Variants in RPTOR observed in about 807,000 individuals in gnomAD.
The protein encoded by RPTOR is regulatory associated protein of MTOR complex 1.
In RPTOR, 21 loss-of-function variants were observed where a neutral mutation model predicts 169.9. That is an observed-to-expected ratio of 0.12 (90% confidence interval 0.09 to 0.18). The LOEUF is 0.18. Ranked by LOEUF, RPTOR falls within the 10% of genes least tolerant of loss-of-function variation. The probability of loss-of-function intolerance (pLI) is 1.00; values close to 1 mark genes in which losing one functional copy is unlikely to be tolerated. For missense variants in RPTOR, 1,133 were observed against 1,855.9 expected (o/e 0.61, Z 7.16); for synonymous variants, 732 against 753.2 (o/e 0.97, Z 0.46).
intron 10 of RPTOR, among the ~76,000 whole-genome samples, chr17:80,841,864 G>C (rs67719285): frequency 0.38 from 14,022 of 36,936 alleles, 2,809 homozygotes; most frequent in African/African-American, 0.61. Context: ...CACGGCAGCT[G>C]ACTCACCGCA....
At chr17:80,685,627 A>ATAT (rs1269766086) in intron 3 of RPTOR, among the ~76,000 whole-genome samples, 3 of 30,682 alleles carry the variant, frequency 9.8e-5, no homozygotes, top group African/African-American at 5.1e-4. Flanking sequence ...ATATATATAT[A>ATAT]TTTTTTTTTT....
intron 6 of RPTOR, among the ~76,000 whole-genome samples, chr17:80,789,413 G>A (rs994424476): frequency 6.6e-6 from 1 of 152,178 alleles, no homozygotes; most frequent in Non-Finnish European, 1.5e-5. Flanking sequence ...ATGTGATCAA[G>A]CCCTGTAGTT....
Position 80,646,877 on chromosome 17 carries a change from G to A in RPTOR, c.348+3067G>A, listed in dbSNP as rs1364334929. Among the ~76,000 whole-genome samples the A allele has an allele frequency of 1.3e-5, 2 of 152,216 alleles. No homozygotes were observed. Among genetic ancestry groups the A allele is most frequent in the Non-Finnish European group, 2.9e-5 (2 of 68,038 alleles). On this transcript the variant is annotated intron_variant, in intron 3 of 33. Transcript: ENST00000306801. The surrounding 1 kb of genome is among the most constrained non-coding windows in gnomAD (Gnocchi z 5.0). ...CTCCACGCTGGCATGGATGGGAGCA[G>A]AGTAGGAAATGCCTGTTTTCTCAAC...
chr17:80,894,465 G>T lies in RPTOR; in HGVS notation c.2401+600G>T, dbSNP rs77507856. 2.9e-3 allele frequency among the ~76,000 whole-genome samples: 437 copies of T among 152,336 alleles called. 3 individuals are homozygous for T. The highest frequency in any genetic ancestry group is 0.021 in the Admixed American group (318 of 15,310). On this transcript the variant is annotated intron_variant, in intron 20 of 33. Coordinates refer to ENST00000306801, the MANE Select transcript of RPTOR (RefSeq NM_020761.3). Reference sequence around the variant, plus strand: ...GCTTGACGCAGCACTGCCTGGAAATGGAAATCTGACGGAAGGGTCAGATTC... The same window carrying T: ...GCTTGACGCAGCACTGCCTGGAAATTGAAATCTGACGGAAGGGTCAGATTC...
chr17:80,865,512 A>C (rs1229646105), intron 13 of RPTOR, among the ~76,000 whole-genome samples: 1 of 152,138 alleles, frequency 6.6e-6, no homozygotes, highest in African/African-American at 2.4e-5. Context: ...TTAATATCAG[A>C]CAGAGGAGGT....
intron 33 of RPTOR, 37 bp from the exon 34 acceptor site, chr17:80,964,225 A>ACCTGAACCCCTGCTCACC (rs754731457): frequency 4.7e-5 from 52 of 1,110,236 alleles, no homozygotes; most frequent in Non-Finnish European, 6.6e-5. Context: ...GTCTGCCCGC[A>ACCTGAACCCCTGCTCACC]CCTGAACCCC....
chr17:80,768,307 G>A (rs945826547), intron 6 of RPTOR, among the ~76,000 whole-genome samples: 6 of 152,152 alleles, frequency 3.9e-5, no homozygotes, highest in African/African-American at 1.4e-4. Flanking sequence ...ATCTCACTTG[G>A]GGTCTCAGTA....
At chr17:80,600,297 G>A (rs1240615517) in intron 1 of RPTOR, among the ~76,000 whole-genome samples, 1 of 152,142 alleles carries the variant, frequency 6.6e-6, no homozygotes, top group Non-Finnish European at 1.5e-5. Flanking sequence ...TGTTTTTAAA[G>A]AAATTATGTG....
intron 3 of RPTOR, among the ~76,000 whole-genome samples, chr17:80,670,967 G>A (rs571755298): frequency 2.0e-5 from 3 of 152,138 alleles, no homozygotes; most frequent in Non-Finnish European, 4.4e-5. Flanking sequence ...ACTTATCCTC[G>A]CCGGGGTCAG....
At chr17:80,835,535 G>T (rs567719737) in intron 9 of RPTOR, among the ~76,000 whole-genome samples, 1 of 152,162 alleles carries the variant, frequency 6.6e-6, no homozygotes, top group Non-Finnish European at 1.5e-5. Context: ...TCCCTACGAC[G>T]AAGGTTGAGT....
At chr17:80,719,292 A>T (rs144335236) in intron 4 of RPTOR, among the ~76,000 whole-genome samples, 7 of 152,132 alleles carry the variant, frequency 4.6e-5, no homozygotes, top group African/African-American at 1.7e-4. Flanking sequence ...AGCCCGGGGG[A>T]ACAGAGATGG....
chr17:80,768,721 C>T (rs573908326), intron 6 of RPTOR, among the ~76,000 whole-genome samples: 48 of 152,192 alleles, frequency 3.2e-4, no homozygotes, highest in Non-Finnish European at 5.9e-4. Flanking sequence ...ATATCCCCAT[C>T]ACACGGTGAC....
At chr17:80,918,041 A>G (rs1037507998) in intron 21 of RPTOR, among the ~76,000 whole-genome samples, 1 of 152,228 alleles carries the variant, frequency 6.6e-6, no homozygotes, top group African/African-American at 2.4e-5. Flanking sequence ...GAGCCGCCCC[A>G]GGAATGTGGC....
intron 3 of RPTOR, among the ~76,000 whole-genome samples, chr17:80,685,165 G>A (rs747890881): frequency 3.0e-4 from 45 of 151,896 alleles, no homozygotes; most frequent in Non-Finnish European, 4.9e-4. Flanking sequence ...ATTCAGGGTC[G>A]CACCTCATTC....
chr17:80,831,012 TG>T (rs1380725563), intron 9 of RPTOR, among the ~76,000 whole-genome samples: 6 of 152,282 alleles, frequency 3.9e-5, no homozygotes, highest in African/African-American at 9.6e-5. Flanking sequence ...CCCAAAGTGC[TG>T]GAATTAACAG....
rs560066312 is a variant in RPTOR, at chr17:80,880,692, G to A, written c.1584+203G>A. 5.3e-5 allele frequency among the ~76,000 whole-genome samples: 8 copies of A among 152,342 alleles called. No homozygotes were observed. In the South Asian group the frequency reaches 1.2e-3, roughly 24 times the overall value. The stretch of plus-strand genomic sequence containing the variant: ...CTACCATGAGCGCAGCTGTTATTTC[G>A]TGTCTGTCTCTAAACAAGAGCTCAG... On this transcript the variant is annotated intron_variant, in intron 14 of 33. Coordinates refer to ENST00000306801, the MANE Select transcript of RPTOR (RefSeq NM_020761.3).
At chr17:80,702,786 C>G (rs1010854272) in intron 3 of RPTOR, among the ~76,000 whole-genome samples, 1 of 152,212 alleles carries the variant, frequency 6.6e-6, no homozygotes, top group African/African-American at 2.4e-5. Flanking sequence ...ATAATCTACC[C>G]CGTGGCCTTC....
chr17:80,554,785 A>AAC (rs1311382923), intron 1 of RPTOR, among the ~76,000 whole-genome samples: 1 of 148,954 alleles, frequency 6.7e-6, no homozygotes, highest in Non-Finnish European at 1.5e-5. Context: ...CAACAACAAC[A>AAC]AAAAAAATGA....
intron 7 of RPTOR, among the ~76,000 whole-genome samples, chr17:80,810,012 C>T (rs1388878868): frequency 6.6e-6 from 1 of 151,760 alleles, no homozygotes; most frequent in Non-Finnish European, 1.5e-5. Context: ...CGTGACACTG[C>T]ACTTCAACCT....
Sources: gnomAD v4.1 joint callset for allele counts (sites outside exome capture counted in the v4.1 genomes callset) on GRCh38, gnomAD v4.1.1 for gene constraint, Gnocchi (gnomAD v3.1) non-coding constraint, MANE v1.5 for transcripts, NCBI Gene and HGNC (gene_info 2026-07-23, HGNC 2026-07-21) for gene names.